The following NF1 variants were observed in gnomAD, a reference collection of about 807,000 sequenced individuals.
NF1 encodes neurofibromin.
In NF1, 122 loss-of-function variants were observed where a neutral mutation model predicts 325.7. The observed-to-expected ratio is 0.37, with a 90% CI of 0.32 to 0.44. The LOEUF (loss-of-function observed/expected upper bound fraction) is 0.44, where lower values mean the gene tolerates loss of function less well. Among genes scored for constraint, NF1 ranks in the 20% least tolerant of loss-of-function variants. NF1 has a pLI of 1.00. For synonymous variants in NF1, 1,091 were observed against 1,186.0 expected, an observed-to-expected ratio of 0.92 and a Z score of 1.65; for missense variants, 2,140 against 3,415.4, an observed-to-expected ratio of 0.63 and a Z score of 9.31.
rs1249077808 is a variant in NF1 at position 31,350,153 on chromosome 17, T to A, written c.7322-30T>A. ...TAAGTCACACTTGTGATTTGTTAAA[T>A]TTTTTAACCTGCCACCGTTTTCCTT... On this transcript the variant is annotated intron_variant, in intron 49 of 57. Coordinates refer to ENST00000358273, the MANE Select transcript of NF1 (RefSeq NM_001042492.3). 4 of 1,613,396 alleles carry A rather than the reference T, an allele frequency of 2.5e-6. No individual in the cohort carries two copies. In the African/African-American group the frequency reaches 5.3e-5, roughly 22 times the overall value.
chr17:31,240,329 C>T (rs1340950682), intron 29 of NF1, among the ~76,000 whole-genome samples: 3 of 151,986 alleles, frequency 2.0e-5, no homozygotes, highest in Admixed American at 1.3e-4. Context: ...AGAGAGCGCA[C>T]GATGTTGTAT....
At chr17:31,349,891 C>A (rs1022250828) in intron 49 of NF1, among the ~76,000 whole-genome samples, 1 of 152,126 alleles carries the variant, frequency 6.6e-6, no homozygotes, top group Non-Finnish European at 1.5e-5. Flanking sequence ...TTTGTTTGAA[C>A]CGTATCATCT....
chr17:31,189,760 T>G (rs1472125765), intron 8 of NF1, among the ~76,000 whole-genome samples: 1 of 106,872 alleles, frequency 9.4e-6, no homozygotes, highest in Non-Finnish European at 2.0e-5. Flanking sequence ...AGAAAAGTAT[T>G]TTTTTTTTTT....
intron 11 of NF1, among the ~76,000 whole-genome samples, chr17:31,204,999 G>A (rs896166773): frequency 2.0e-5 from 3 of 152,110 alleles, no homozygotes; most frequent in Non-Finnish European, 4.4e-5. Flanking sequence ...AGGGAAAAAT[G>A]TAAACAACCA....
intron 45 of NF1, 110 bp from the exon 46 acceptor site, chr17:31,338,594 C>A: frequency 1.3e-6 from 1 of 752,252 alleles, no homozygotes; most frequent in Non-Finnish European, 2.4e-6. Flanking sequence ...AGAAATCATT[C>A]TAGCATTTAT....
At chr17:31,299,280 AAAAT>A (rs35288330) in intron 36 of NF1, among the ~76,000 whole-genome samples, 3 of 150,766 alleles carry the variant, frequency 2.0e-5, no homozygotes, top group Non-Finnish European at 3.0e-5. Flanking sequence ...AAGTATAATA[AAAAT>A]AAATAAATAA....
chr17:31,106,271 C>T (rs911362583), intron 1 of NF1, among the ~76,000 whole-genome samples: 5 of 152,180 alleles, frequency 3.3e-5, no homozygotes, highest in Non-Finnish European at 5.9e-5. Context: ...CTTCTCACAT[C>T]ATGGGCTTGT....
At chr17:31,283,464 GT>G (rs1165448983) in intron 36 of NF1, among the ~76,000 whole-genome samples, 3 of 146,512 alleles carry the variant, frequency 2.0e-5, no homozygotes, top group South Asian at 2.2e-4. Flanking sequence ...TTTTGTTTTT[GT>G]TTTTTTGGGA....
chr17:31,363,437 T>TC (rs1491135504), intron 57 of NF1, among the ~76,000 whole-genome samples: 233 of 32,522 alleles, frequency 7.2e-3, no homozygotes, highest in African/African-American at 0.016. Flanking sequence ...TATCTCTCTC[T>TC]TTTTTTTTTT....
At chr17:31,338,252 G>A in intron 45 of NF1, 113 bp downstream of exon 45, 1 of 792,372 alleles carries the variant, frequency 1.3e-6, no homozygotes, top group Non-Finnish European at 2.2e-6. Flanking sequence ...TATCTTATAT[G>A]TTACTTATTA....
At chr17:31,284,840 G>A (rs923950646) in intron 36 of NF1, among the ~76,000 whole-genome samples, 3 of 152,184 alleles carry the variant, frequency 2.0e-5, no homozygotes, top group African/African-American at 7.2e-5. Context: ...CAATGTGGAG[G>A]CCGGGCGTGG....
At chr17:31,298,016 C>T (rs2068501278) in intron 36 of NF1, among the ~76,000 whole-genome samples, 1 of 151,780 alleles carries the variant, frequency 6.6e-6, no homozygotes, top group African/African-American at 2.4e-5. Context: ...TTTATGCAAC[C>T]TTGGGTGGTA....
At chr17:31,318,247 A>G (rs878908893) in intron 36 of NF1, 22 of 1,536,942 alleles carry the variant, frequency 1.4e-5, no homozygotes, top group South Asian at 9.1e-5. Flanking sequence ...TTAAATACCA[A>G]CTGACTTCAT....
chr17:31,117,672 CAAAAAAAAAAAAAAAAA>C (rs780828438), intron 1 of NF1, among the ~76,000 whole-genome samples: 878 of 19,906 alleles, frequency 0.044, 34 homozygotes, highest in African/African-American at 0.1. Flanking sequence ...AACTCCATCT[CAAAAAAAAAAAAAAAAA>C]AAAAAAAAAA....
chr17:31,127,894 T>C (rs1915019807), intron 1 of NF1, among the ~76,000 whole-genome samples: 1 of 152,112 alleles, frequency 6.6e-6, no homozygotes, highest in African/African-American at 2.4e-5. Flanking sequence ...GAGATGACAT[T>C]GGGAAGCTAT....
At chr17:31,096,733 G>A (rs1911760063) in intron 1 of NF1, among the ~76,000 whole-genome samples, 1 of 152,154 alleles carries the variant, frequency 6.6e-6, no homozygotes, top group African/African-American at 2.4e-5. Flanking sequence ...TCTTGGAATA[G>A]ACAGAGGAAG....
chr17:31,338,384 T>C (rs747581426), intron 45 of NF1, among the ~76,000 whole-genome samples: 23 of 152,214 alleles, frequency 1.5e-4, no homozygotes, highest in Non-Finnish European at 2.1e-4. Flanking sequence ...AAATAAAATA[T>C]GTTGCCTCTT....
At chr17:31,288,058 G>A (rs1436809160) in intron 36 of NF1, among the ~76,000 whole-genome samples, 1 of 151,296 alleles carries the variant, frequency 6.6e-6, no homozygotes, top group African/African-American at 2.4e-5. Flanking sequence ...TTGTGCACAT[G>A]TACCCTAAAA....
chr17:31,095,395 G>T, intron 1 of NF1, 26 bp downstream of exon 1: 1 of 1,536,900 alleles, frequency 6.5e-7, no homozygotes, highest in Non-Finnish European at 8.7e-7. Flanking sequence ...CGGGCGGGAG[G>T]TGGGAGCGGA....
Sources: allele counts gnomAD v4.1 joint callset (sites outside exome capture counted in the v4.1 genomes callset), GRCh38; gene constraint gnomAD v4.1.1; transcripts MANE v1.5; gene names NCBI Gene and HGNC (gene_info 2026-07-23, HGNC 2026-07-21).